The following CDH4 variants were observed in gnomAD, a reference collection of about 807,000 sequenced individuals.
The protein encoded by CDH4 is cadherin 4.
Under a neutral mutation model 86.0 loss-of-function variants are expected in CDH4, and 33 were observed. That is an observed-to-expected ratio of 0.38 (90% CI 0.29 to 0.51). The LOEUF is 0.51. Ranked by LOEUF, CDH4 falls within the 20% of genes least tolerant of loss-of-function variation. CDH4 has a pLI of 0.86. For missense variants in CDH4, 1,114 were observed against 1,307.4 expected (o/e 0.85, Z 2.28); for synonymous variants, 555 against 549.4 (o/e 1.01, Z -0.14).
intron 4 of CDH4, among the ~76,000 whole-genome samples, chr20:61,819,708 G>T (rs911447969): frequency 1.3e-5 from 2 of 152,222 alleles, no homozygotes; most frequent in Admixed American, 6.5e-5. Flanking sequence ...CCCCTGCCAG[G>T]CTGGGACTGC....
At chr20:61,375,744 G>T (rs1241908044) in intron 2 of CDH4, among the ~76,000 whole-genome samples, 1 of 144,588 alleles carries the variant, frequency 6.9e-6, no homozygotes. Flanking sequence ...TGGTCTTGGT[G>T]GTGGTGATGA....
At chr20:61,478,785 C>T (rs1240731516) in intron 2 of CDH4, among the ~76,000 whole-genome samples, 1 of 152,198 alleles carries the variant, frequency 6.6e-6, no homozygotes, top group Non-Finnish European at 1.5e-5. Context: ...GAAAATCACC[C>T]TTTTGTAGTT....
intron 2 of CDH4, among the ~76,000 whole-genome samples, chr20:61,428,774 A>G (rs148905057): frequency 6.6e-6 from 1 of 152,278 alleles, no homozygotes; most frequent in Non-Finnish European, 1.5e-5. Context: ...TGATTTTATC[A>G]TATGTATATG....
intron 2 of CDH4, among the ~76,000 whole-genome samples, chr20:61,456,266 A>G (rs1207866219): frequency 1.3e-5 from 2 of 152,208 alleles, no homozygotes; most frequent in Non-Finnish European, 2.9e-5. Context: ...GGGCCTCTCC[A>G]CTGCTAAATA....
chr20:61,348,496 C>G (rs984019264), intron 2 of CDH4, among the ~76,000 whole-genome samples: 3 of 152,176 alleles, frequency 2.0e-5, no homozygotes, highest in Non-Finnish European at 4.4e-5. Flanking sequence ...GCGGTTCCCT[C>G]CACCAAGACC....
At chr20:61,257,556 T>C (rs1200371065) in intron 2 of CDH4, among the ~76,000 whole-genome samples, 1 of 152,232 alleles carries the variant, frequency 6.6e-6, no homozygotes, top group Non-Finnish European at 1.5e-5. Context: ...TGGAGAGCAT[T>C]TGAATGCAAT....
chr20:61,750,897 A>T (rs892293842), intron 3 of CDH4, among the ~76,000 whole-genome samples: 2 of 152,230 alleles, frequency 1.3e-5, no homozygotes, highest in Admixed American at 6.5e-5. Flanking sequence ...AAACGATCAT[A>T]TAACTGGGAA....
At chr20:61,607,656 C>T (rs1476454371) in intron 2 of CDH4, among the ~76,000 whole-genome samples, 1 of 152,238 alleles carries the variant, frequency 6.6e-6, no homozygotes, top group Non-Finnish European at 1.5e-5. Context: ...GAATCAGCAT[C>T]ATCAAGCCAG....
chr20:61,822,873 A>C (rs1278040623), intron 4 of CDH4, among the ~76,000 whole-genome samples: 2 of 152,166 alleles, frequency 1.3e-5, no homozygotes, highest in African/African-American at 4.8e-5. Context: ...ATCTGTGAAC[A>C]CAGTATTGCC....
intron 2 of CDH4, among the ~76,000 whole-genome samples, chr20:61,563,181 C>T (rs2086234881): frequency 6.6e-6 from 1 of 152,248 alleles, no homozygotes; most frequent in Non-Finnish European, 1.5e-5. Context: ...CACGGGGAGC[C>T]CAGGCTTGGC....
chr20:61,854,993 G>C (rs575302515), intron 6 of CDH4, among the ~76,000 whole-genome samples: 1 of 125,352 alleles, frequency 8.0e-6, no homozygotes, highest in Non-Finnish European at 1.7e-5. Context: ...GTGTGAACAG[G>C]GTGAATTGTG....
intron 3 of CDH4, among the ~76,000 whole-genome samples, chr20:61,757,367 G>A (rs781492970): frequency 2.8e-4 from 43 of 152,248 alleles, no homozygotes; most frequent in Non-Finnish European, 4.7e-4. Flanking sequence ...GGACGGGAGT[G>A]ACTATTGGAA....
intron 2 of CDH4, among the ~76,000 whole-genome samples, chr20:61,573,738 G>A (rs570830056): frequency 2.0e-5 from 3 of 152,328 alleles, no homozygotes; most frequent in East Asian, 3.9e-4. Flanking sequence ...GGCAACAGCC[G>A]ATGTGCTCTG....
rs1985021119 is a variant in CDH4, at chr20:61,894,794, AAG to A, written c.1051-112_1051-111del. ...GCGCCCAGCACACAGCCCCCAGTGA[AAG>A]AGAACCGGTTCCAGGAACTCCGTTC... On this transcript the variant is annotated intron_variant, in intron 7 of 15. Coordinates refer to ENST00000614565, the MANE Select transcript of CDH4 (RefSeq NM_001794.5). 6.0e-6 allele frequency: 7 copies of A among 1,173,670 alleles called. No individual in the cohort carries two copies. In the Admixed American group the frequency reaches 1.2e-4, roughly 19 times the overall value. 72.7% of individuals were successfully genotyped at this position (1,173,670 alleles called of 1,614,324 possible).
At position 61,252,989 on chromosome 20, in the gene CDH4, C is replaced by A. The variant is rs1247156196; in HGVS notation, c.57+419C>A. Among the ~76,000 whole-genome samples the A allele has an allele frequency of 1.3e-5, 2 of 151,774 alleles. No individual in the cohort carries two copies. The highest frequency in any genetic ancestry group is 2.9e-5 in the Non-Finnish European group (2 of 67,912). ...TTGCCGAGCCCAGCCCCGGCCGTGGCTGAAGGCGTGGGGCGCCCGGCGGCT... is the reference window on the plus strand; with the variant it reads ...TTGCCGAGCCCAGCCCCGGCCGTGGATGAAGGCGTGGGGCGCCCGGCGGCT... On this transcript the variant is annotated intron_variant, in intron 1 of 15. Coordinates refer to ENST00000614565, the MANE Select transcript of CDH4 (RefSeq NM_001794.5). The surrounding 1 kb of genome is among the most constrained non-coding windows in gnomAD (Gnocchi z 4.4).
At chr20:61,546,296 G>C (rs1245969492) in intron 2 of CDH4, among the ~76,000 whole-genome samples, 2 of 146,340 alleles carry the variant, frequency 1.4e-5, no homozygotes, top group Admixed American at 1.4e-4. Flanking sequence ...GCTCGAGTGT[G>C]CATGAGTATG....
chr20:61,417,529 C>CCCCT lies in CDH4; in HGVS notation c.169+162593_169+162596dup, dbSNP rs2085153535. ...TGGGAATCGGGCCATCGGAACATCT[C>CCCCT]CCCTTCTGGGTTGATTACTGTCAAC... On this transcript the variant is annotated intron_variant, in intron 2 of 15. Coordinates refer to ENST00000614565, the MANE Select transcript of CDH4 (RefSeq NM_001794.5). The surrounding 1 kb of genome is among the most constrained non-coding windows in gnomAD (Gnocchi z 4.0). Among the ~76,000 whole-genome samples, 2 of 152,202 alleles carry CCCCT rather than the reference C, an allele frequency of 1.3e-5. No individual in the cohort carries two copies. Among genetic ancestry groups the CCCCT allele is most frequent in the African/African-American group, 4.8e-5 (2 of 41,448 alleles).
rs35461836 is a variant in CDH4, at chr20:61,755,368, C to CCACA, written c.396+11597_396+11600dup. 9.4e-3 allele frequency among the ~76,000 whole-genome samples: 1,367 copies of CCACA among 144,758 alleles called. 25 individuals are homozygous for CCACA. Among genetic ancestry groups the CCACA allele is most frequent in the African/African-American group, 0.033 (1,270 of 38,700 alleles). 95.0% of individuals were successfully genotyped at this position (144,758 alleles called of 152,430 possible). On this transcript the variant is annotated intron_variant, in intron 3 of 15. Coordinates refer to ENST00000614565, the MANE Select transcript of CDH4 (RefSeq NM_001794.5). ...ACACACATAGTGCATGCCACACACA[C>CCACA]CACACACACACACACACACACGCCC...
At chr20:61,380,260 C>T (rs1350076381) in intron 2 of CDH4, among the ~76,000 whole-genome samples, 1 of 152,152 alleles carries the variant, frequency 6.6e-6, no homozygotes, top group Non-Finnish European at 1.5e-5. Flanking sequence ...AAAAATCCAT[C>T]TTACTATACA....
Sources: allele counts gnomAD v4.1 joint callset (sites outside exome capture counted in the v4.1 genomes callset), GRCh38; gene constraint gnomAD v4.1.1; non-coding constraint Gnocchi (gnomAD v3.1); transcripts MANE v1.5; gene names NCBI Gene and HGNC (gene_info 2026-07-23, HGNC 2026-07-21).